Variants in ZFP2 observed in about 807,000 individuals in gnomAD.
ZFP2 encodes zinc finger protein ZFP2.
In ZFP2, 33 loss-of-function variants were observed where a neutral mutation model predicts 36.1. That is an observed-to-expected ratio of 0.92 (90% CI 0.69 to 1.22). ZFP2 has a LOEUF of 1.22. Ranked by LOEUF, ZFP2 falls within the 50% of genes most tolerant of loss-of-function variation. ZFP2 has a pLI of 0.00. For missense variants in ZFP2, 522 were observed against 551.4 expected, an observed-to-expected ratio of 0.95 and a Z score of 0.53; for synonymous variants, 170 against 178.0, an observed-to-expected ratio of 0.96 and a Z score of 0.36.
chr5:178,925,087 T>C (rs1758638268), intron 4 of ZFP2, among the ~76,000 whole-genome samples: 1 of 143,136 alleles, frequency 7.0e-6, no homozygotes, highest in African/African-American at 2.5e-5. Context: ...TGGTCTGTTT[T>C]AAAACTTTAA....
chr5:178,896,736 C>T (rs542391810), intron 1 of ZFP2, among the ~76,000 whole-genome samples: 1 of 152,306 alleles, frequency 6.6e-6, no homozygotes, highest in South Asian at 2.1e-4. Context: ...ACACTTTGTA[C>T]TTTGTTTTTA....
chr5:178,909,528 T>G (rs1242792291), intron 1 of ZFP2, among the ~76,000 whole-genome samples: 1 of 152,206 alleles, frequency 6.6e-6, no homozygotes, highest in Admixed American at 6.5e-5. Flanking sequence ...TTCTCTTTGC[T>G]CATTCCTTTG....
intron 1 of ZFP2, chr5:178,910,635 C>T (rs1165791790): frequency 5.0e-6 from 2 of 403,970 alleles, no homozygotes; most frequent in African/African-American, 2.1e-5. Flanking sequence ...CTAGAATGGC[C>T]CCCTCTGGAT....
intron 4 of ZFP2, among the ~76,000 whole-genome samples, chr5:178,928,785 G>A (rs1036519434): frequency 6.6e-6 from 1 of 152,200 alleles, no homozygotes; most frequent in Non-Finnish European, 1.5e-5. Context: ...GCCCCAGTGG[G>A]GATTCTACAT....
At chr5:178,931,145 T>C in intron 4 of ZFP2, 92 bp from the exon 5 acceptor site, 2 of 1,327,382 alleles carry the variant, frequency 1.5e-6, no homozygotes, top group South Asian at 1.8e-5. Flanking sequence ...TTTTAGTTGA[T>C]AGCTAGTTTA....
intron 1 of ZFP2, among the ~76,000 whole-genome samples, chr5:178,900,969 A>G (rs185314144): frequency 3.5e-4 from 54 of 152,296 alleles, no homozygotes; most frequent in Non-Finnish European, 3.4e-4. Flanking sequence ...GCTCAACGTA[A>G]TGTTTTTCAG....
rs184135414 is a variant in ZFP2, at chr5:178,927,563, C to G, written c.-77-3674C>G. ...CCAGGCTGGAGTGTGATGGCACAAT[C>G]TCAGCTCACTGCAACCTCCACCTCC... On this transcript the variant is annotated intron_variant, in intron 4 of 4. Transcript: ENST00000361362. Among the ~76,000 whole-genome samples, 7 of 150,754 alleles carry G rather than the reference C, an allele frequency of 4.6e-5. No homozygotes were observed. The East Asian group carries it at 1.2e-3, about 25-fold the overall frequency.
At position 178,921,632 on chromosome 5, in the gene ZFP2, C is replaced by T. The variant is rs1227182216; in HGVS notation, c.-78+4922C>T. Among the ~76,000 whole-genome samples the T allele has an allele frequency of 2.0e-5, 3 of 149,580 alleles. No homozygotes were observed. In the Admixed American group the frequency reaches 2.0e-4, roughly 10 times the overall value. On this transcript the variant is annotated intron_variant, in intron 4 of 4. Coordinates refer to ENST00000361362, the MANE Select transcript of ZFP2 (RefSeq NM_030613.4). ...AGCATTAGAAGTCCTTTTCCTGCTC[C>T]ATGAACCGGCCCTAGAGCTTTTCCT...
intron 4 of ZFP2, among the ~76,000 whole-genome samples, chr5:178,921,744 A>C (rs1758565509): frequency 6.7e-6 from 1 of 149,350 alleles, no homozygotes; most frequent in South Asian, 2.1e-4. Flanking sequence ...GAGGAAAAAA[A>C]GGAAGCTCAC....
chr5:178,905,184 T>C (rs1385195031), intron 1 of ZFP2, among the ~76,000 whole-genome samples: 4 of 152,226 alleles, frequency 2.6e-5, no homozygotes, highest in African/African-American at 9.6e-5. Context: ...TGAGGAAGAT[T>C]GCCATCTTTA....
chr5:178,915,318 CTTTCTTTTTTTT>C (rs1332078444), intron 3 of ZFP2, among the ~76,000 whole-genome samples: 2 of 112,554 alleles, frequency 1.8e-5, no homozygotes, highest in Non-Finnish European at 3.6e-5. Context: ...AAAGGTTTTT[CTTTCTTTTTTTT>C]TTTTTTTTTT....
chr5:178,913,323 G>C (rs559995619), intron 3 of ZFP2, among the ~76,000 whole-genome samples: 11 of 152,288 alleles, frequency 7.2e-5, no homozygotes, highest in African/African-American at 2.4e-4. Flanking sequence ...CTGAGCATTT[G>C]GTAAATGTTA....
chr5:178,921,830 AAAT>A (rs1758566963), intron 4 of ZFP2, among the ~76,000 whole-genome samples: 1 of 149,302 alleles, frequency 6.7e-6, no homozygotes, highest in Non-Finnish European at 1.5e-5. Flanking sequence ...CAGGGCCTTC[AAAT>A]AATTGCTTCA....
rs1581841543 is a variant in ZFP2 at position 178,925,289 on chromosome 5, T to C, written c.-77-5948T>C. On this transcript the variant is annotated intron_variant, in intron 4 of 4. Transcript: ENST00000361362. ...GTATGAACACTTGACGATCTTGTTA[T>C]CCATTTTTTGATGATGGGCATTTGT... 2.0e-5 allele frequency among the ~76,000 whole-genome samples: 3 copies of C among 149,136 alleles called. No individual in the cohort carries two copies. In the South Asian group the frequency reaches 6.3e-4, roughly 31 times the overall value.
chr5:178,917,168 T>C (rs999512100), intron 4 of ZFP2, among the ~76,000 whole-genome samples: 3 of 152,316 alleles, frequency 2.0e-5, no homozygotes, highest in African/African-American at 7.2e-5. Flanking sequence ...TATTCAGTTA[T>C]GAAGGAGATA....
At chr5:178,908,215 A>G (rs984552017) in intron 1 of ZFP2, among the ~76,000 whole-genome samples, 15 of 152,052 alleles carry the variant, frequency 9.9e-5, no homozygotes, top group East Asian at 3.9e-4. Context: ...TTGGGAGGCT[A>G]AGGTGGGCAG....
intron 1 of ZFP2, among the ~76,000 whole-genome samples, chr5:178,898,423 T>A (rs1757984472): frequency 6.6e-6 from 1 of 152,270 alleles, no homozygotes; most frequent in African/African-American, 2.4e-5. Context: ...CTTTCGTCTT[T>A]GTATAGCTAA....
intron 4 of ZFP2, among the ~76,000 whole-genome samples, chr5:178,917,386 G>T (rs574952991): frequency 1.1e-4 from 16 of 152,148 alleles, no homozygotes; most frequent in African/African-American, 3.6e-4. Context: ...AGGCTGAGGC[G>T]GGCAGATCTC....
chr5:178,908,688 A>G (rs1758224736), intron 1 of ZFP2, among the ~76,000 whole-genome samples: 1 of 152,040 alleles, frequency 6.6e-6, no homozygotes, highest in Admixed American at 6.6e-5. Flanking sequence ...AGGCTACAAA[A>G]AAAAGATAAC....
Sources: gnomAD v4.1 joint callset for allele counts (sites outside exome capture counted in the v4.1 genomes callset) on GRCh38, gnomAD v4.1.1 for gene constraint, MANE v1.5 for transcripts, NCBI Gene and HGNC (gene_info 2026-07-23, HGNC 2026-07-21) for gene names.